Variants in ENOSF1 observed in about 807,000 individuals in gnomAD.
ENOSF1 encodes mitochondrial enolase superfamily member 1.
ENOSF1 carries 73 observed loss-of-function variants against 68.2 expected under a neutral mutation model. That is an observed-to-expected ratio of 1.07 (90% CI 0.89 to 1.30). ENOSF1 has a LOEUF of 1.30. Among genes scored for constraint, ENOSF1 ranks in the 50% most tolerant of loss-of-function variants. ENOSF1 has a pLI of 0.00. For missense variants in ENOSF1, 589 were observed against 554.5 expected (o/e 1.06, Z -0.62); for synonymous variants, 223 against 210.4 (o/e 1.06, Z -0.52).
At chr18:666,957 A>AGATGGTGATGGT (rs1380607470), downstream of ENOSF1, among the ~76,000 whole-genome samples, 1 of 22,828 alleles carries the variant, frequency 4.4e-5, no homozygotes, top group Non-Finnish European at 7.1e-5. Flanking sequence ...ATGGTGATGG[A>AGATGGTGATGGT]GATGGAGATG....
At chr18:678,053 G>A (rs2075692602) in intron 12 of ENOSF1, 181 bp from the exon 13 acceptor site, 2 of 642,024 alleles carry the variant, frequency 3.1e-6, no homozygotes, top group Non-Finnish European at 5.0e-6. Flanking sequence ...GCGTGGGCAG[G>A]GACCTTGTGC....
chr18:692,753 C>T lies in ENOSF1; in HGVS notation c.423+1129G>A, dbSNP rs1007327904. 3.0e-6 allele frequency: 3 copies of T among 995,884 alleles called. No homozygotes were observed. The African/African-American group carries it at 5.2e-5, about 17-fold the overall frequency. The allele number at this position is 995,884 out of a possible 1,614,324, so 61.7% of individuals were successfully genotyped here. A position where few individuals can be genotyped will look rare whatever the true frequency, so the allele number is the denominator to read the frequency against. On this transcript the variant is annotated intron_variant, in intron 5 of 15. Coordinates refer to ENST00000647584, the MANE Select transcript of ENOSF1 (RefSeq NM_017512.7). ...CCCTTTTGGTGGCTACCTCCTCCAT[C>T]CCCGTAAAACGCCAACCTTGAATCT...
chr18:704,605 C>CTTTTTTT lies in ENOSF1; in HGVS notation c.193+1864_193+1865insAAAAAAA, dbSNP rs367666026. Among the ~76,000 whole-genome samples, 4 of 135,304 alleles carry CTTTTTTT rather than the reference C, an allele frequency of 3.0e-5. 1 individual carries two copies. The highest frequency in any genetic ancestry group is 5.7e-5 in the African/African-American group (2 of 35,218). The allele number at this position is 135,304 out of a possible 152,430, so 88.8% of individuals were successfully genotyped here. ...GTATGTGGGATTCTGTCTTCTGTATCTTTTTTCTTTTTTTTTTTGGGATGG... is the reference window on the plus strand; with the variant it reads ...GTATGTGGGATTCTGTCTTCTGTATCTTTTTTTTTTTTTCTTTTTTTTTTTGGGATGG... On this transcript the variant is annotated intron_variant, in intron 2 of 15. Transcript: ENST00000647584.
intron 11 of ENOSF1, among the ~76,000 whole-genome samples, chr18:681,345 A>C (rs908798797): frequency 1.3e-5 from 2 of 152,096 alleles, no homozygotes; most frequent in African/African-American, 4.8e-5. Flanking sequence ...CTCCTTCCTC[A>C]GATACTCCTA....
rs2076853719 is a variant in ENOSF1 at position 688,612 on chromosome 18, T to C, written c.619-4A>G. 6.2e-7 allele frequency: 1 copy of C among 1,613,736 alleles called. No individual in the cohort carries two copies. On this transcript the variant is annotated splice_polypyrimidine_tract_variant and splice_region_variant and intron_variant, in intron 8 of 15. Coordinates refer to ENST00000647584, the MANE Select transcript of ENOSF1 (RefSeq NM_017512.7). Reference sequence around the variant, plus strand: ...CCTTCAGCGCCTGGGCACAGAGCTGTGGGAAAGGAGCACAGGGTCACACAC... The same window carrying C: ...CCTTCAGCGCCTGGGCACAGAGCTGCGGGAAAGGAGCACAGGGTCACACAC...
chr18:712,227 G>C, intron 1 of ENOSF1: 1 of 1,501,576 alleles, frequency 6.7e-7, no homozygotes, highest in East Asian at 2.5e-5. Flanking sequence ...TCCAAGGCAT[G>C]AAAAGCGAGT....
intron 9 of ENOSF1, chr18:687,510 C>T (rs961960574): frequency 1.3e-5 from 2 of 152,208 alleles, no homozygotes; most frequent in Admixed American, 1.3e-4. Context: ...GGCTCAGAGA[C>T]CAGAGTGGCT....
downstream of ENOSF1, among the ~76,000 whole-genome samples, chr18:670,043 TTA>T (rs557346565): frequency 5.2e-4 from 63 of 121,808 alleles, no homozygotes; most frequent in African/African-American, 1.9e-3. Context: ...TAATAGAGAC[TTA>T]TTTTTTTTTT....
At chr18:694,025 C>T in intron 4 of ENOSF1, 117 bp from the exon 5 acceptor site, 1 of 1,189,954 alleles carries the variant, frequency 8.4e-7, no homozygotes. Context: ...CCCCACACCC[C>T]CCTCTACTGC....
rs569916142 is a variant in ENOSF1 at position 683,206 on chromosome 18, G to A, written c.876+40C>T. 210 of 1,611,256 alleles carry A rather than the reference G, an allele frequency of 1.3e-4. No homozygotes were observed. The African/African-American group carries it at 1.4e-3, about 10-fold the overall frequency. Reference sequence around the variant, plus strand: ...CCCCAGCACTCTGGAAAACTAAACAGAAAAATAAGCTGCCACAGCAGCAGC... The same window carrying A: ...CCCCAGCACTCTGGAAAACTAAACAAAAAAATAAGCTGCCACAGCAGCAGC... On this transcript the variant is annotated intron_variant, in intron 11 of 15. Coordinates refer to ENST00000647584, the MANE Select transcript of ENOSF1 (RefSeq NM_017512.7).
In ENOSF1 at chr18:674,412, A is replaced by G. The variant is rs2075258620; in HGVS notation, c.1231-6T>C. 6.3e-7 allele frequency: 1 copy of G among 1,594,534 alleles called. No homozygotes were observed. The highest frequency in any genetic ancestry group is 1.4e-5 in the African/African-American group (1 of 73,910). ...TCTGTTGAGTAGCCGGGATCCTATC[A>G]AAGACCAAAAAAATGAGTCCTGTTA... On this transcript the variant is annotated splice_region_variant and splice_polypyrimidine_tract_variant and intron_variant, in intron 15 of 15. Transcript: ENST00000647584.
rs556186505 is a variant in ENOSF1 at position 674,233 on chromosome 18, T to C, written c.*72A>G. On this transcript the variant is annotated 3_prime_UTR_variant, in exon 16 of 16. Transcript: ENST00000647584. ...ATCGGTAGGATTTTTTAAATCCATT[T>C]TTGTAAAACTATTTCCAAGAAATTT... is the stretch of plus-strand genomic sequence containing the variant. 161 of 1,071,434 alleles carry C rather than the reference T, an allele frequency of 1.5e-4. 2 individuals carry two copies. In the South Asian group the frequency reaches 2.3e-3, roughly 15 times the overall value. The allele number at this position is 1,071,434 out of a possible 1,614,324, so 66.4% of individuals were successfully genotyped here. A position where few individuals can be genotyped will look rare whatever the true frequency, so the allele number is the denominator to read the frequency against.
At chr18:696,784 T>C (rs2077779405) in intron 3 of ENOSF1, among the ~76,000 whole-genome samples, 1 of 152,142 alleles carries the variant, frequency 6.6e-6, no homozygotes, top group Non-Finnish European at 1.5e-5. Flanking sequence ...GACTCAAGCC[T>C]GAATTTAACT....
intron 3 of ENOSF1, among the ~76,000 whole-genome samples, chr18:694,808 TTC>T (rs145085795): frequency 4.6e-5 from 7 of 151,098 alleles, no homozygotes; most frequent in South Asian, 4.2e-4. Context: ...CCTCTCTTCT[TTC>T]TCTCTCTCTA....
At chr18:710,491 A>C (rs2079393022) in intron 1 of ENOSF1, among the ~76,000 whole-genome samples, 2 of 152,084 alleles carry the variant, frequency 1.3e-5, no homozygotes, top group Non-Finnish European at 2.9e-5. Flanking sequence ...CCTCAGAGTG[A>C]ATAGTAATTA....
Position 694,251 on chromosome 18 carries a change from T to C in ENOSF1, c.393A>G (p.Gly131=). 6.2e-7 allele frequency: 1 copy of C among 1,614,034 alleles called. No homozygotes were observed. The change falls in exon 4 of 16, where the codon GGA becomes GGG. Residue 131 remains glycine, a synonymous_variant. Coordinates refer to ENST00000647584, the MANE Select transcript of ENOSF1 (RefSeq NM_017512.7). The stretch of plus-strand genomic sequence containing the variant: ...GAGCGTTTGTGAGAGGGGTTACCTT[T>C]CCCTCCTGCTTGGCCCACAAGTCCC... ...AVWDLWAKQE[G]KPVWKLLVDM...
At chr18:682,898 AAAAC>A (rs1281615469) in intron 11 of ENOSF1, 5 of 193,242 alleles carry the variant, frequency 2.6e-5, no homozygotes, top group African/African-American at 7.5e-5. Flanking sequence ...AAAACAAAAC[AAAAC>A]AAAAAAAACC....
intron 7 of ENOSF1, chr18:690,842 C>G (rs753874015): frequency 1.7e-5 from 24 of 1,412,116 alleles, no homozygotes; most frequent in Admixed American, 2.7e-5. Flanking sequence ...GCTCTCCCTA[C>G]AGTGTAATCC....
At chr18:669,317 C>A, downstream of ENOSF1, 3 of 576,902 alleles carry the variant, frequency 5.2e-6, no homozygotes, top group Non-Finnish European at 9.3e-6. Flanking sequence ...TTGGGCAAGT[C>A]ACATTTTGCT....
Sources: gnomAD v4.1 joint callset for allele counts (sites outside exome capture counted in the v4.1 genomes callset) on GRCh38, gnomAD v4.1.1 for gene constraint, MANE v1.5 for transcripts, NCBI Gene and HGNC (gene_info 2026-07-23, HGNC 2026-07-21) for gene names.